Variants in KLHL23 observed in about 807,000 individuals in gnomAD.
KLHL23 encodes the protein kelch-like protein 23.
Under a neutral mutation model 48.9 loss-of-function variants are expected in KLHL23, and 33 were observed. That is an observed-to-expected ratio of 0.67 (90% CI 0.51 to 0.90). The LOEUF is 0.90. KLHL23 is among the 40% of genes least tolerant of loss of function. The probability of loss-of-function intolerance (pLI) is 0.00; values close to 1 mark genes in which losing one functional copy is unlikely to be tolerated. For missense variants in KLHL23, 608 were observed against 669.6 expected (o/e 0.91, Z 1.02); for synonymous variants, 234 against 231.6 (o/e 1.01, Z -0.09).
chr2:169,736,289 ACTTCT>A, intron 2 of KLHL23, 62 bp downstream of exon 2: 1 of 1,520,026 alleles, frequency 6.6e-7, no homozygotes, highest in Non-Finnish European at 8.8e-7. Context: ...CAGCAGTCTC[ACTTCT>A]CTTGAATTTA....
At chr2:169,749,383 C>G (rs780684022) in intron 3 of KLHL23, 39 bp from the exon 4 acceptor site, 1 of 1,511,922 alleles carries the variant, frequency 6.6e-7, no homozygotes, top group South Asian at 1.3e-5. Context: ...GTTTGTTATC[C>G]TTTAAAAAAA....
In KLHL23 at chr2:169,741,548, T is replaced by C. The variant is rs1558948172; in HGVS notation, c.1366+11T>C. ...CCAGTCCACATCCAGGTAACAAAAA[T>C]ACTGTCTCAAATAGTGTATGTTGTG... On this transcript the variant is annotated intron_variant, in intron 3 of 3. Transcript: ENST00000392647. 1.9e-6 allele frequency: 3 copies of C among 1,611,500 alleles called. No individual in the cohort carries two copies. The highest frequency in any genetic ancestry group is 2.5e-6 in the Non-Finnish European group (3 of 1,178,442).
intron 2 of KLHL23, among the ~76,000 whole-genome samples, chr2:169,740,432 T>G (rs1248133179): frequency 6.6e-6 from 1 of 151,116 alleles, no homozygotes; most frequent in Non-Finnish European, 1.5e-5. Flanking sequence ...AAATACTTTC[T>G]TTTTATCCTT....
chr2:169,735,937 A>G lies in KLHL23; in HGVS notation c.923A>G (p.Tyr308Cys). Residue 308 changes from tyrosine to cysteine, a missense_variant, in exon 2 of 4, where the codon TAT (tyrosine) becomes TGT (cysteine). By Grantham distance (194) the Tyr-to-Cys change is radical. This residue lies in a region of KLHL23 where 419 missense variants were observed against 473.1 expected (regional missense o/e 0.89). Transcript: ENST00000392647. This position sits in a 1 kb window ranked among gnomAD's most constrained non-coding sequence, Gnocchi z 4.5. ...ATTCAGGGAGCAGAAATACCAGATT[A>G]TACCAGGGAGAGCTATGGTGTTACA... ...VWIQGAEIPD[Y>C]TRESYGVTCL... The G allele has an allele frequency of 6.2e-7, 1 of 1,614,210 alleles. No individual in the cohort carries two copies. The highest frequency in any genetic ancestry group is 8.5e-7 in the Non-Finnish European group (1 of 1,180,050).
Position 169,749,691 on chromosome 2 carries a change from G to A in KLHL23, c.1636G>A (p.Ala546Thr), listed in dbSNP as rs779565396. The A allele has an allele frequency of 1.9e-6, 3 of 1,612,414 alleles. No individual in the cohort carries two copies. The highest frequency in any genetic ancestry group is 2.5e-6 in the Non-Finnish European group (3 of 1,178,632). Residue 546 changes from alanine to threonine, a missense_variant, in exon 4 of 4, where the codon GCC becomes ACC. By Grantham distance (58) the Ala-to-Thr change is moderately conservative. Transcript: ENST00000392647. Reference sequence around the variant, plus strand: ...GGAAATAGTGGGTAATCTTCCCAGTGCCATGCGGTCTCATGGGTGTGTTTG... The same window carrying A: ...GGAAATAGTGGGTAATCTTCCCAGTACCATGCGGTCTCATGGGTGTGTTTG... Reference protein sequence around the residue: ...KWEIVGNLPSAMRSHGCVCVY... With the variant: ...KWEIVGNLPSTMRSHGCVCVY...
chr2:169,739,380 G>C (rs1688619687), intron 2 of KLHL23, among the ~76,000 whole-genome samples: 2 of 151,902 alleles, frequency 1.3e-5, no homozygotes, highest in Non-Finnish European at 2.9e-5. Flanking sequence ...TTCTTTGTTG[G>C]GCATCAGTAA....
At chr2:169,736,621 A>C (rs1688524321) in intron 2 of KLHL23, among the ~76,000 whole-genome samples, 1 of 152,202 alleles carries the variant, frequency 6.6e-6, no homozygotes, top group Non-Finnish European at 1.5e-5. Context: ...TCTTCCAGGA[A>C]CTAGAGACAA....
chr2:169,745,798 AAGG>A (rs1688783558), intron 3 of KLHL23, among the ~76,000 whole-genome samples: 1 of 152,164 alleles, frequency 6.6e-6, no homozygotes, highest in African/African-American at 2.4e-5. Flanking sequence ...AGGTATACTG[AAGG>A]AGAAGCTGAC....
rs1688968224 is a variant in KLHL23, at chr2:169,751,514, A to G, written c.*1782A>G. ...TTCTATACTTTTAACCTTAAAAATA[A>G]TTCAGAAAAAAGATAAATGCATGAA... On this transcript the variant is annotated 3_prime_UTR_variant, in exon 4 of 4. Coordinates refer to ENST00000392647, the MANE Select transcript of KLHL23 (RefSeq NM_144711.6). The G allele has an allele frequency of 6.6e-6, 1 of 152,216 alleles. No individual in the cohort carries two copies. The highest frequency in any genetic ancestry group is 2.4e-5 in the African/African-American group (1 of 41,460). 9.4% of individuals were successfully genotyped at this position (152,216 alleles called of 1,614,324 possible).
Position 169,735,087 on chromosome 2 carries a change from G to T in KLHL23, c.73G>T (p.Ala25Ser). 6.2e-7 allele frequency: 1 copy of T among 1,601,710 alleles called. No homozygotes were observed. The highest frequency in any genetic ancestry group is 1.3e-5 in the African/African-American group (1 of 74,380). The change falls in exon 2 of 4, where the codon GCA becomes TCA. Residue 25 changes from alanine to serine, a missense_variant. Physicochemically the swap from Ala to Ser is moderately conservative, Grantham distance 99. Around this residue, in one of 3 missense-constraint regions of KLHL23, gnomAD observed 419 missense variants for 473.1 expected, o/e 0.89. Coordinates refer to ENST00000392647, the MANE Select transcript of KLHL23 (RefSeq NM_144711.6). This position sits in a 1 kb window ranked among gnomAD's most constrained non-coding sequence, Gnocchi z 4.5. Reference sequence around the variant, plus strand: ...AACACATCCAGTGGATTTTCTGGATGCATTCAGAACATTTTACTTGGATGG... The same window carrying T: ...AACACATCCAGTGGATTTTCTGGATTCATTCAGAACATTTTACTTGGATGG... ...DSTHPVDFLD[A>S]FRTFYLDGLF...
Position 169,743,915 on chromosome 2 carries a change from A to G in KLHL23, c.1366+2378A>G, listed in dbSNP as rs138528828. Among the ~76,000 whole-genome samples, 35 of 152,354 alleles carry G rather than the reference A, an allele frequency of 2.3e-4. 2 individuals are homozygous for G. The East Asian group carries it at 6.7e-3, about 29-fold the overall frequency. Reference sequence around the variant, plus strand: ...TTAGCAGTACCTCCTGAGGAATTAAAATGTCATCCTTGAGTTGACTTCATA... The same window carrying G: ...TTAGCAGTACCTCCTGAGGAATTAAGATGTCATCCTTGAGTTGACTTCATA... On this transcript the variant is annotated intron_variant, in intron 3 of 3. Coordinates refer to ENST00000392647, the MANE Select transcript of KLHL23 (RefSeq NM_144711.6).
In KLHL23 at chr2:169,751,168, G is replaced by A. The variant is rs1235155779; in HGVS notation, c.*1436G>A. 2.0e-5 allele frequency: 3 copies of A among 152,212 alleles called. No individual in the cohort carries two copies. Among genetic ancestry groups the A allele is most frequent in the African/African-American group, 7.2e-5 (3 of 41,448 alleles). The allele number at this position is 152,212 out of a possible 1,614,324, so 9.4% of individuals were successfully genotyped here. A position where few individuals can be genotyped will look rare whatever the true frequency, so the allele number is the denominator to read the frequency against. On this transcript the variant is annotated 3_prime_UTR_variant, in exon 4 of 4. Coordinates refer to ENST00000392647, the MANE Select transcript of KLHL23 (RefSeq NM_144711.6). The stretch of plus-strand genomic sequence containing the variant: ...GAACCACCTTTGTCCATTTTCCTCA[G>A]TGTGCCTACAGCATCGCTTTCCATG...
At chr2:169,743,265 T>C (rs1485514312) in intron 3 of KLHL23, among the ~76,000 whole-genome samples, 1 of 152,176 alleles carries the variant, frequency 6.6e-6, no homozygotes, top group Admixed American at 6.5e-5. Flanking sequence ...CCCTCAAAAA[T>C]AAGTTTTCCA....
At position 169,751,239 on chromosome 2, in the gene KLHL23, T is replaced by C. The variant is rs1430249269; in HGVS notation, c.*1507T>C. On this transcript the variant is annotated 3_prime_UTR_variant, in exon 4 of 4. Coordinates refer to ENST00000392647, the MANE Select transcript of KLHL23 (RefSeq NM_144711.6). ...GTTGGGATGTGTTGCTTAACTCCTTTACACCATTAGTTATCTGTGAGACCA... is the reference window on the plus strand; with the variant it reads ...GTTGGGATGTGTTGCTTAACTCCTTCACACCATTAGTTATCTGTGAGACCA... 1 of 152,224 alleles carries C rather than the reference T, an allele frequency of 6.6e-6. No individual in the cohort carries two copies. The highest frequency in any genetic ancestry group is 2.4e-5 in the African/African-American group (1 of 41,456). The allele number at this position is 152,224 out of a possible 1,614,324, so 9.4% of individuals were successfully genotyped here.
rs1197083001 is a variant in KLHL23, at chr2:169,739,960, A to G, written c.1214-1425A>G. On this transcript the variant is annotated intron_variant, in intron 2 of 3. Transcript: ENST00000392647. ...TTGTGTATCTAAACATAGAAACAGT[A>G]CAGTAAAAATACAGCATAAAAGATA... Among the ~76,000 whole-genome samples, 6 of 152,224 alleles carry G rather than the reference A, an allele frequency of 3.9e-5. No individual in the cohort carries two copies. The East Asian group carries it at 1.2e-3, about 29-fold the overall frequency.
At chr2:169,746,181 G>A (rs1688791175) in intron 3 of KLHL23, among the ~76,000 whole-genome samples, 1 of 152,188 alleles carries the variant, frequency 6.6e-6, no homozygotes, top group Non-Finnish European at 1.5e-5. Context: ...TCCTGGCCCT[G>A]CCATTTATTT....
chr2:169,734,130 G>T lies in KLHL23; in HGVS notation c.-3+43G>T. On this transcript the variant is annotated intron_variant, in intron 1 of 3. Coordinates refer to ENST00000392647, the MANE Select transcript of KLHL23 (RefSeq NM_144711.6). ...CCGCAGCCCGAGGCCGGCCTGCTGG[G>T]AGCGAGCGGGGCCGGGCGCGGGGAG... 2.1e-5 allele frequency: 3 copies of T among 142,766 alleles called. No homozygotes were observed. In the South Asian group the frequency reaches 5.7e-4, roughly 27 times the overall value. The allele number at this position is 142,766 out of a possible 1,614,324, so 8.8% of individuals were successfully genotyped here.
intron 3 of KLHL23, among the ~76,000 whole-genome samples, chr2:169,748,273 G>A (rs941852101): frequency 2.6e-5 from 4 of 152,198 alleles, no homozygotes; most frequent in East Asian, 1.9e-4. Context: ...AGACAAGACC[G>A]GAATGACAGG....
chr2:169,735,120 A>G lies in KLHL23; in HGVS notation c.106A>G (p.Thr36Ala). The change falls in exon 2 of 4, where the codon ACT (threonine) becomes GCT (alanine). Residue 36 changes from threonine (T) to alanine (A), a missense_variant. By Grantham distance (58) the Thr-to-Ala change is moderately conservative. Coordinates refer to ENST00000392647, the MANE Select transcript of KLHL23 (RefSeq NM_144711.6). This position sits in a 1 kb window ranked among gnomAD's most constrained non-coding sequence, Gnocchi z 4.5. ...FRTFYLDGLF[T>A]DITLQCPSGI... Reference sequence around the variant, plus strand: ...AACATTTTACTTGGATGGATTATTTACTGATATTACTCTTCAGTGTCCTTC... The same window carrying G: ...AACATTTTACTTGGATGGATTATTTGCTGATATTACTCTTCAGTGTCCTTC... 6.2e-7 allele frequency: 1 copy of G among 1,612,240 alleles called. No individual in the cohort carries two copies. Among genetic ancestry groups the G allele is most frequent in the African/African-American group, 1.3e-5 (1 of 74,970 alleles).
Sources: gnomAD v4.1 joint callset for allele counts (sites outside exome capture counted in the v4.1 genomes callset) on GRCh38, gnomAD v4.1.1 for gene constraint, gnomAD v4.1.1 regional missense constraint, Gnocchi (gnomAD v3.1) non-coding constraint, MANE v1.5 for transcripts, NCBI Gene and HGNC (gene_info 2026-07-23, HGNC 2026-07-21) for gene names.